RCHY1: variants seen among roughly 807,000 people sequenced by gnomAD.
The protein encoded by RCHY1 is ring finger and CHY zinc finger domain containing 1.
Under a neutral mutation model 41.6 loss-of-function variants are expected in RCHY1, and 21 were observed. The observed-to-expected ratio is 0.51, with a 90% CI of 0.36 to 0.73. The LOEUF (loss-of-function observed/expected upper bound fraction) is 0.73. Among genes scored for constraint, RCHY1 ranks in the 30% least tolerant of loss-of-function variants. RCHY1 has a pLI of 0.00. For synonymous variants in RCHY1, 79 were observed against 102.9 expected, an observed-to-expected ratio of 0.77 and a Z score of 1.41; for missense variants, 265 against 325.3, an observed-to-expected ratio of 0.81 and a Z score of 1.43.
chr4:75,510,877 T>C (rs1724795659), intron 1 of RCHY1, among the ~76,000 whole-genome samples: 2 of 152,198 alleles, frequency 1.3e-5, no homozygotes, highest in South Asian at 4.1e-4. Flanking sequence ...TATCTGCTTA[T>C]GCATTCAAAC....
At chr4:75,487,592 A>AATACATATTCATATATATTCATAAT (rs1722208367) in intron 8 of RCHY1, among the ~76,000 whole-genome samples, 1 of 55,560 alleles carries the variant, frequency 1.8e-5, no homozygotes, top group Non-Finnish European at 3.0e-5. Context: ...ATATATTCAT[A>AATACATATTCATATATATTCATAAT]ATATATATTC....
At chr4:75,490,553 C>T in intron 8 of RCHY1, 28 bp downstream of exon 8, 1 of 1,586,162 alleles carries the variant, frequency 6.3e-7, no homozygotes, top group Admixed American at 1.8e-5. Flanking sequence ...AAGGAGTCTA[C>T]AAAGTTTTAA....
intron 3 of RCHY1, among the ~76,000 whole-genome samples, chr4:75,503,989 G>T (rs1000096697): frequency 6.6e-5 from 10 of 152,184 alleles, no homozygotes; most frequent in African/African-American, 2.4e-4. Flanking sequence ...CAATTATGAA[G>T]AAAGGTCGTC....
At chr4:75,487,786 T>TATATATTCATA (rs1722333112) in intron 8 of RCHY1, among the ~76,000 whole-genome samples, 1 of 40,216 alleles carries the variant, frequency 2.5e-5, no homozygotes, top group African/African-American at 1.5e-4. Context: ...ATATTCATAA[T>TATATATTCATA]ATATATATTC....
chr4:75,492,747 G>T (rs1722864612), intron 4 of RCHY1, among the ~76,000 whole-genome samples: 1 of 151,856 alleles, frequency 6.6e-6, no homozygotes, highest in Admixed American at 6.6e-5. Context: ...TTTGAAAGAT[G>T]ACAGTATAGT....
intron 3 of RCHY1, among the ~76,000 whole-genome samples, chr4:75,501,273 T>C (rs1051051397): frequency 2.0e-5 from 3 of 152,238 alleles, no homozygotes; most frequent in Non-Finnish European, 2.9e-5. Context: ...CCTCCCAAAG[T>C]GCTAGGATTA....
chr4:75,504,041 A>T (rs1026930267), intron 3 of RCHY1, among the ~76,000 whole-genome samples: 1 of 152,216 alleles, frequency 6.6e-6, no homozygotes, highest in Non-Finnish European at 1.5e-5. Flanking sequence ...TCTCAAATGT[A>T]TTTGAATTTG....
chr4:75,487,023 CAA>C (rs767100801), intron 8 of RCHY1, among the ~76,000 whole-genome samples: 24 of 151,636 alleles, frequency 1.6e-4, no homozygotes, highest in Non-Finnish European at 3.1e-4. Flanking sequence ...ACGGTTGTTT[CAA>C]ATTGAAGGAA....
Position 75,481,210 on chromosome 4 carries a change from T to C in RCHY1, c.*1328A>G, listed in dbSNP as rs1454019660. 1 of 152,142 alleles carries C rather than the reference T, an allele frequency of 6.6e-6. No individual in the cohort carries two copies. Among genetic ancestry groups the C allele is most frequent in the African/African-American group, 2.4e-5 (1 of 41,432 alleles). The allele number at this position is 152,142 out of a possible 1,614,324, so 9.4% of individuals were successfully genotyped here. A position where few individuals can be genotyped will look rare whatever the true frequency, so the allele number is the denominator to read the frequency against. On this transcript the variant is annotated 3_prime_UTR_variant, in exon 9 of 9. Transcript: ENST00000324439. Reference sequence around the variant, plus strand: ...AAACTGCTGCCTTTATCTAGGTGAATAAATTTCAACAAAAGAAGAAATAAA... The same window carrying C: ...AAACTGCTGCCTTTATCTAGGTGAACAAATTTCAACAAAAGAAGAAATAAA...
intron 8 of RCHY1, among the ~76,000 whole-genome samples, chr4:75,486,089 C>A (rs1304897436): frequency 2.0e-5 from 3 of 152,120 alleles, no homozygotes; most frequent in African/African-American, 7.2e-5. Flanking sequence ...CTTAGCTTTG[C>A]CTCCTGGCTA....
At chr4:75,507,978 G>A (rs1264988382) in intron 3 of RCHY1, among the ~76,000 whole-genome samples, 1 of 151,948 alleles carries the variant, frequency 6.6e-6, no homozygotes, top group African/African-American at 2.4e-5. Flanking sequence ...CTTGATCTGG[G>A]TAGTGGTTAC....
chr4:75,494,527 C>A, intron 3 of RCHY1: 1 of 207,800 alleles, frequency 4.8e-6, no homozygotes, highest in Non-Finnish European at 9.5e-6. Context: ...GATTTTATGT[C>A]TGTCTACACA....
In RCHY1 at chr4:75,507,971, G is replaced by A. The variant is rs190899064; in HGVS notation, c.326+849C>T. On this transcript the variant is annotated intron_variant, in intron 3 of 8. Coordinates refer to ENST00000324439, the MANE Select transcript of RCHY1 (RefSeq NM_015436.4). Reference sequence around the variant, plus strand: ...AGGTGCTATGAATGTTGTGTTTCTTGATCTGGGTAGTGGTTACAAAGGCAT... The same window carrying A: ...AGGTGCTATGAATGTTGTGTTTCTTAATCTGGGTAGTGGTTACAAAGGCAT... Among the ~76,000 whole-genome samples the A allele has an allele frequency of 1.8e-3, 269 of 152,142 alleles. 3 individuals carry two copies. In the Middle Eastern group the frequency reaches 0.02, roughly 12 times the overall value.
intron 3 of RCHY1, among the ~76,000 whole-genome samples, chr4:75,505,324 A>G (rs558593702): frequency 6.6e-6 from 1 of 152,304 alleles, no homozygotes; most frequent in East Asian, 1.9e-4. Flanking sequence ...CCGCACCCCA[A>G]GCACTGGGGA....
At chr4:75,495,140 T>C (rs1723081069) in intron 3 of RCHY1, among the ~76,000 whole-genome samples, 1 of 151,986 alleles carries the variant, frequency 6.6e-6, no homozygotes, top group African/African-American at 2.4e-5. Flanking sequence ...ATATTTACTT[T>C]TCTGGTCTGT....
At chr4:75,502,497 G>A (rs565272080) in intron 3 of RCHY1, among the ~76,000 whole-genome samples, 50 of 152,134 alleles carry the variant, frequency 3.3e-4, no homozygotes, top group African/African-American at 4.6e-4. Context: ...CCAAGATCGC[G>A]CCACTGCACT....
intron 3 of RCHY1, among the ~76,000 whole-genome samples, chr4:75,498,871 T>C (rs1266467911): frequency 1.3e-5 from 2 of 152,156 alleles, no homozygotes; most frequent in African/African-American, 2.4e-5. Context: ...TCCAGGACAC[T>C]GATCTTGGCA....
chr4:75,483,752 T>C (rs1319138827), intron 8 of RCHY1, among the ~76,000 whole-genome samples: 1 of 152,082 alleles, frequency 6.6e-6, no homozygotes, highest in African/African-American at 2.4e-5. Context: ...CCAGTGTAAA[T>C]AAAACAAAAA....
At chr4:75,504,484 C>G (rs1460923090) in intron 3 of RCHY1, among the ~76,000 whole-genome samples, 2 of 152,160 alleles carry the variant, frequency 1.3e-5, no homozygotes, top group Non-Finnish European at 2.9e-5. Flanking sequence ...TAATATTTTT[C>G]TCTAGTTTAT....
Sources: gnomAD v4.1 joint callset for allele counts (sites outside exome capture counted in the v4.1 genomes callset) on GRCh38, gnomAD v4.1.1 for gene constraint, MANE v1.5 for transcripts, NCBI Gene and HGNC (gene_info 2026-07-23, HGNC 2026-07-21) for gene names.